PRKN: variants seen among roughly 807,000 people sequenced by gnomAD.
PRKN encodes the protein E3 ubiquitin-protein ligase parkin.
A neutral mutation model predicts 59.5 loss-of-function variants in PRKN; 56 were observed. The observed-to-expected ratio is 0.94, with a 90% CI of 0.76 to 1.18. The LOEUF is 1.18. Among genes scored for constraint, PRKN ranks in the 50% most tolerant of loss-of-function variants. PRKN has a pLI of 0.00. For missense variants in PRKN, 657 were observed against 596.4 expected, an observed-to-expected ratio of 1.10 and a Z score of -1.06; for synonymous variants, 250 against 222.1, an observed-to-expected ratio of 1.13 and a Z score of -1.12.
intron 9 of PRKN, among the ~76,000 whole-genome samples, chr6:161,416,341 T>A (rs1203547238): frequency 6.6e-6 from 1 of 152,058 alleles, no homozygotes; most frequent in Non-Finnish European, 1.5e-5. Context: ...CGGTCTGTTT[T>A]CCCCCGAGGA....
chr6:162,168,794 C>G (rs545773940), intron 4 of PRKN, among the ~76,000 whole-genome samples: 1 of 152,040 alleles, frequency 6.6e-6, no homozygotes, highest in Non-Finnish European at 1.5e-5. Context: ...AGGTTTGTGA[C>G]CAGAATCTAT....
At position 162,727,744 on chromosome 6, in the gene PRKN, G is replaced by A. The variant is rs1046279256; in HGVS notation, c.-76C>T. The A allele has an allele frequency of 6.8e-7, 1 of 1,473,450 alleles. No homozygotes were observed. The highest frequency in any genetic ancestry group is 1.2e-5 in the South Asian group (1 of 82,522). 91.3% of individuals were successfully genotyped at this position (1,473,450 alleles called of 1,614,324 possible). A position where few individuals can be genotyped will look rare whatever the true frequency, so the allele number is the denominator to read the frequency against. On this transcript the variant is annotated 5_prime_UTR_variant, in exon 1 of 12. Coordinates refer to ENST00000366898, the MANE Select transcript of PRKN (RefSeq NM_004562.3). Reference sequence around the variant, plus strand: ...GCGGCGCCAGCCGCGCCTCCCACCAGCGGCTCTCCTGGGTTAAATCCTCCA... The same window carrying A: ...GCGGCGCCAGCCGCGCCTCCCACCAACGGCTCTCCTGGGTTAAATCCTCCA...
chr6:161,611,119 C>A (rs769444319), intron 7 of PRKN, among the ~76,000 whole-genome samples: 4 of 151,842 alleles, frequency 2.6e-5, no homozygotes, highest in Non-Finnish European at 4.4e-5. Flanking sequence ...CTCAGTTAAT[C>A]CCAATGAATA....
intron 4 of PRKN, among the ~76,000 whole-genome samples, chr6:162,088,335 T>C (rs1200218433): frequency 6.6e-6 from 1 of 152,148 alleles, no homozygotes; most frequent in Non-Finnish European, 1.5e-5. Flanking sequence ...ACCGAGTTAA[T>C]GGGGAGCTAG....
chr6:161,428,045 C>G lies in PRKN; in HGVS notation c.1084-41168G>C, dbSNP rs1788469135. Among the ~76,000 whole-genome samples, 1 of 152,172 alleles carries G rather than the reference C, an allele frequency of 6.6e-6. No individual in the cohort carries two copies. The highest frequency in any genetic ancestry group is 1.5e-5 in the Non-Finnish European group (1 of 68,034). On this transcript the variant is annotated intron_variant, in intron 9 of 11. Coordinates refer to ENST00000366898, the MANE Select transcript of PRKN (RefSeq NM_004562.3). The surrounding 1 kb of genome is among the most constrained non-coding windows in gnomAD (Gnocchi z 4.0). ...GTTGCAGAAGGAAGCTCGCTGCAGT[C>G]TGAGTGTGTCTCCGTGGAGCTCGGC...
At chr6:161,383,466 T>C (rs1284074457) in intron 10 of PRKN, among the ~76,000 whole-genome samples, 1 of 152,220 alleles carries the variant, frequency 6.6e-6, no homozygotes, top group Admixed American at 6.5e-5. Context: ...ATCCCTTGTG[T>C]CTGGCTTCGG....
intron 10 of PRKN, among the ~76,000 whole-genome samples, chr6:161,374,540 G>A (rs1252114473): frequency 6.9e-5 from 8 of 115,802 alleles, no homozygotes; most frequent in Admixed American, 9.6e-5. Flanking sequence ...TGTGGTGCAT[G>A]TGTGTGGTGT....
At chr6:161,872,919 G>A (rs1467807775) in intron 6 of PRKN, among the ~76,000 whole-genome samples, 1 of 151,134 alleles carries the variant, frequency 6.6e-6, no homozygotes, top group Admixed American at 6.6e-5. Flanking sequence ...TCCAATTTTG[G>A]GTCCAATTGT....
rs1562408323 is a variant in PRKN at position 162,584,232 on chromosome 6, CAA to C, written c.8-140761_8-140760del. Among the ~76,000 whole-genome samples, 583 of 115,024 alleles carry C rather than the reference CAA, an allele frequency of 5.1e-3. 3 individuals carry two copies. Among genetic ancestry groups the C allele is most frequent in the East Asian group, 0.033 (153 of 4,702 alleles). The allele number at this position is 115,024 out of a possible 152,430, so 75.5% of individuals were successfully genotyped here. A position where few individuals can be genotyped will look rare whatever the true frequency, so the allele number is the denominator to read the frequency against. The stretch of plus-strand genomic sequence containing the variant: ...CGTCTCAAAAAAAAAAAACAAAAAA[CAA>C]AAAACAAAAAACAAAAAAAAAAAAA... On this transcript the variant is annotated intron_variant, in intron 1 of 11. Transcript: ENST00000366898.
intron 1 of PRKN, among the ~76,000 whole-genome samples, chr6:162,668,687 T>C: frequency 6.6e-6 from 1 of 152,114 alleles, no homozygotes. Flanking sequence ...CACAAAAGGA[T>C]GTGATGAACA....
At chr6:162,335,309 T>C (rs920287103) in intron 2 of PRKN, among the ~76,000 whole-genome samples, 1 of 152,158 alleles carries the variant, frequency 6.6e-6, no homozygotes, top group South Asian at 2.1e-4. Context: ...CCCAAAGTGC[T>C]GGGACTACAG....
intron 7 of PRKN, among the ~76,000 whole-genome samples, chr6:161,755,064 C>T (rs1011775824): frequency 2.0e-5 from 3 of 152,170 alleles, no homozygotes; most frequent in Non-Finnish European, 4.4e-5. Flanking sequence ...CCAAACACAT[C>T]AATATGTCAT....
chr6:162,227,802 C>T (rs1473548718), intron 3 of PRKN, among the ~76,000 whole-genome samples: 1 of 152,030 alleles, frequency 6.6e-6, no homozygotes, highest in Non-Finnish European at 1.5e-5. Flanking sequence ...CTCACCATCC[C>T]TAGTGTCCAT....
At chr6:162,680,357 T>C (rs915383583) in intron 1 of PRKN, among the ~76,000 whole-genome samples, 7 of 150,994 alleles carry the variant, frequency 4.6e-5, no homozygotes, top group African/African-American at 1.7e-4. Flanking sequence ...TGTATATATA[T>C]ATTTAATATT....
chr6:161,945,989 T>C (rs1779761869), intron 6 of PRKN, among the ~76,000 whole-genome samples: 1 of 152,292 alleles, frequency 6.6e-6, no homozygotes, highest in South Asian at 2.1e-4. Context: ...GAGAACTTCC[T>C]TAGGGTAAAC....
At chr6:162,169,278 GTAAA>G (rs1294885928) in intron 4 of PRKN, among the ~76,000 whole-genome samples, 1 of 152,106 alleles carries the variant, frequency 6.6e-6, no homozygotes, top group African/African-American at 2.4e-5. Context: ...GGGACTTCAG[GTAAA>G]TCATTTAGCA....
rs559417239 is a variant in PRKN, at chr6:161,401,616, C to G, written c.1084-14739G>C. ...CGACAAGAGCAAGATTCTGTCCCCA[C>G]TCCCCACCAAAAAAAAAAAATTAGA... On this transcript the variant is annotated intron_variant, in intron 9 of 11. Transcript: ENST00000366898. The surrounding 1 kb of genome is among the most constrained non-coding windows in gnomAD (Gnocchi z 4.4). Among the ~76,000 whole-genome samples, 3 of 138,528 alleles carry G rather than the reference C, an allele frequency of 2.2e-5. No individual in the cohort carries two copies. In the Admixed American group the frequency reaches 2.2e-4, roughly 10 times the overall value. 90.9% of individuals were successfully genotyped at this position (138,528 alleles called of 152,430 possible).
intron 2 of PRKN, among the ~76,000 whole-genome samples, chr6:162,295,434 C>CA (rs1781626955): frequency 6.6e-6 from 1 of 152,160 alleles, no homozygotes; most frequent in Non-Finnish European, 1.5e-5. Flanking sequence ...TACACACAGG[C>CA]CCTGTGGTCT....
At chr6:162,025,456 A>G (rs79332350) in intron 5 of PRKN, among the ~76,000 whole-genome samples, 2,394 of 151,802 alleles carry the variant, frequency 0.016, 42 homozygotes, top group South Asian at 0.033. Context: ...CTCTCCCTAT[A>G]TACTGTCCAA....
Sources: gnomAD v4.1 joint callset for allele counts (sites outside exome capture counted in the v4.1 genomes callset) on GRCh38, gnomAD v4.1.1 for gene constraint, Gnocchi (gnomAD v3.1) non-coding constraint, MANE v1.5 for transcripts, NCBI Gene and HGNC (gene_info 2026-07-23, HGNC 2026-07-21) for gene names.